Variants in MAGI2 observed in about 807,000 individuals in gnomAD.
MAGI2 encodes the protein membrane associated guanylate kinase, WW and PDZ domain containing 2.
Under a neutral mutation model 133.3 loss-of-function variants are expected in MAGI2, and 35 were observed. That is an observed-to-expected ratio of 0.26 (90% CI 0.20 to 0.35). The LOEUF (loss-of-function observed/expected upper bound fraction) is 0.35, where lower values mean the gene tolerates loss of function less well. MAGI2 is among the 10% of genes least tolerant of loss of function. The pLI, the probability that MAGI2 is intolerant of heterozygous loss-of-function variation, is 1.00. For synonymous variants in MAGI2, 729 were observed against 710.6 expected, an observed-to-expected ratio of 1.03 and a Z score of -0.41; for missense variants, 1,636 against 1,863.4, an observed-to-expected ratio of 0.88 and a Z score of 2.25.
chr7:78,157,524 T>TAC (rs3840595), intron 16 of MAGI2, among the ~76,000 whole-genome samples: 19,135 of 151,266 alleles, frequency 0.13, 1,199 homozygotes, highest in East Asian at 0.17. Flanking sequence ...TACACATACA[T>TAC]ACACACACAC....
At chr7:78,704,700 C>T (rs953901046) in intron 2 of MAGI2, among the ~76,000 whole-genome samples, 3 of 151,232 alleles carry the variant, frequency 2.0e-5, no homozygotes, top group African/African-American at 7.3e-5. Context: ...ATATATACAC[C>T]GTGGAATACT....
intron 4 of MAGI2, among the ~76,000 whole-genome samples, chr7:78,514,998 T>TTG (rs142761813): frequency 1.4e-4 from 22 of 151,844 alleles, no homozygotes; most frequent in South Asian, 4.1e-4. Context: ...CCTCTTGGCA[T>TTG]TGTGTGTGTG....
chr7:78,185,297 T>C (rs564937417), intron 13 of MAGI2, among the ~76,000 whole-genome samples: 7 of 152,332 alleles, frequency 4.6e-5, no homozygotes, highest in Admixed American at 2.0e-4. Flanking sequence ...AAGTGCTCAA[T>C]AGCCACATGT....
chr7:78,625,496 A>C (rs1382914281), intron 3 of MAGI2, among the ~76,000 whole-genome samples: 1 of 152,164 alleles, frequency 6.6e-6, no homozygotes, highest in Admixed American at 6.6e-5. Context: ...TAAAGTAAAA[A>C]GTTACATTAA....
intron 2 of MAGI2, among the ~76,000 whole-genome samples, chr7:78,895,496 C>A (rs1261509321): frequency 2.0e-5 from 3 of 148,272 alleles, no homozygotes; most frequent in Non-Finnish European, 3.0e-5. Context: ...ACCAGAGTTG[C>A]TTTACAAAAT....
intron 1 of MAGI2, among the ~76,000 whole-genome samples, chr7:79,157,393 T>C (rs73704254): frequency 0.011 from 1,740 of 151,932 alleles, 33 homozygotes; most frequent in African/African-American, 0.041. Context: ...GATCACCCAG[T>C]GTTTTGAGCC....
At chr7:78,505,401 T>C (rs532422086) in intron 4 of MAGI2, among the ~76,000 whole-genome samples, 10 of 152,332 alleles carry the variant, frequency 6.6e-5, no homozygotes, top group African/African-American at 1.4e-4. Flanking sequence ...AGCTGATTCC[T>C]TATAAAGATT....
intron 1 of MAGI2, among the ~76,000 whole-genome samples, chr7:79,135,982 A>G (rs1033574470): frequency 2.7e-5 from 1 of 37,234 alleles, no homozygotes; most frequent in Non-Finnish European, 1.2e-4. Flanking sequence ...AAAGAAAGAA[A>G]GAAAGAAAGA....
intron 6 of MAGI2, among the ~76,000 whole-genome samples, chr7:78,442,831 T>C (rs1302572866): frequency 1.3e-5 from 2 of 152,172 alleles, no homozygotes; most frequent in Non-Finnish European, 2.9e-5. Context: ...AAAATACATA[T>C]TAAACAAACA....
At chr7:79,220,204 G>A (rs1249951611) in intron 1 of MAGI2, among the ~76,000 whole-genome samples, 2 of 152,016 alleles carry the variant, frequency 1.3e-5, no homozygotes, top group Middle Eastern at 3.4e-3. Flanking sequence ...ACAGGATGGT[G>A]ATGTGGTGGG....
At chr7:78,342,401 C>T (rs1790480212) in intron 9 of MAGI2, among the ~76,000 whole-genome samples, 2 of 152,120 alleles carry the variant, frequency 1.3e-5, no homozygotes, top group African/African-American at 4.8e-5. Context: ...GACAGTGTGG[C>T]AATTCCTCAA....
intron 6 of MAGI2, among the ~76,000 whole-genome samples, chr7:78,432,819 C>G (rs780532208): frequency 1.3e-5 from 2 of 151,814 alleles, no homozygotes; most frequent in Non-Finnish European, 2.9e-5. Flanking sequence ...AAAGAATAAC[C>G]TACTTAATAT....
chr7:78,553,853 G>T (rs1449654557), intron 3 of MAGI2, among the ~76,000 whole-genome samples: 1 of 152,050 alleles, frequency 6.6e-6, no homozygotes, highest in Non-Finnish European at 1.5e-5. Context: ...ATATGTATTT[G>T]TCCTACTCCA....
intron 1 of MAGI2, among the ~76,000 whole-genome samples, chr7:79,112,296 A>G (rs1439510284): frequency 6.6e-6 from 1 of 152,048 alleles, no homozygotes; most frequent in Non-Finnish European, 1.5e-5. Flanking sequence ...TCTATTCGCA[A>G]ATATATATAT....
At chr7:78,849,642 T>G (rs2151478385) in intron 2 of MAGI2, among the ~76,000 whole-genome samples, 1 of 152,106 alleles carries the variant, frequency 6.6e-6, no homozygotes, top group South Asian at 2.1e-4. Context: ...GTGCAAGAGA[T>G]AAGGAAAAGG....
chr7:78,056,675 G>C (rs183131046), intron 21 of MAGI2, among the ~76,000 whole-genome samples: 2 of 152,202 alleles, frequency 1.3e-5, no homozygotes, highest in Admixed American at 6.5e-5. Context: ...TCAGGGCTTG[G>C]GGGGAAGGAG....
intron 3 of MAGI2, among the ~76,000 whole-genome samples, chr7:78,543,279 T>G (rs1037207070): frequency 6.6e-6 from 1 of 152,224 alleles, no homozygotes; most frequent in Admixed American, 6.5e-5. Flanking sequence ...TTTGATAGTT[T>G]ACTTCATCAC....
intron 1 of MAGI2, among the ~76,000 whole-genome samples, chr7:79,169,272 A>T (rs930630826): frequency 6.6e-6 from 1 of 152,034 alleles, no homozygotes; most frequent in Admixed American, 6.6e-5. Context: ...GAGAAAGGGA[A>T]ATTTGGAATG....
At chr7:78,926,847 G>C (rs1423138221) in intron 2 of MAGI2, among the ~76,000 whole-genome samples, 1 of 149,574 alleles carries the variant, frequency 6.7e-6, no homozygotes, top group Admixed American at 6.7e-5. Flanking sequence ...TTTTCCTTTT[G>C]CAAAAGTGGA....
Sources: allele counts gnomAD v4.1 joint callset (sites outside exome capture counted in the v4.1 genomes callset), GRCh38; gene constraint gnomAD v4.1.1; transcripts MANE v1.5; gene names NCBI Gene and HGNC (gene_info 2026-07-23, HGNC 2026-07-21).